CBLIF: variants seen among roughly 807,000 people sequenced by gnomAD.
The protein encoded by CBLIF is gastric intrinsic factor (vitamin B synthesis).
Under a neutral mutation model 44.9 loss-of-function variants are expected in CBLIF, and 24 were observed. The ratio of observed to expected loss-of-function variants is 0.53; its 90% confidence interval spans 0.39 to 0.75. The LOEUF is 0.75. Among genes scored for constraint, CBLIF ranks in the 30% least tolerant of loss-of-function variants. CBLIF has a pLI of 0.00. For synonymous variants in CBLIF, 183 were observed against 190.9 expected, an observed-to-expected ratio of 0.96 and a Z score of 0.34; for missense variants, 481 against 513.0, an observed-to-expected ratio of 0.94 and a Z score of 0.60.
At position 59,842,527 on chromosome 11, in the gene CBLIF, A is replaced by G; in HGVS notation, c.427T>C (p.Cys143Arg). 1 of 1,613,952 alleles carries G rather than the reference A, an allele frequency of 6.2e-7. No homozygotes were observed. The highest frequency in any genetic ancestry group is 1.1e-5 in the South Asian group (1 of 91,078). ...YGPSLAILAL[C>R]QKNSEATLPI... The stretch of plus-strand genomic sequence containing the variant: ...AAGGTCGCCTCAGAGTTCTTCTGGC[A>G]CAGTGCCAAGATCGCTAGACTGGGC... Residue 143 changes from cysteine (C) to arginine (R), a missense_variant, in exon 4 of 9, where the codon TGC becomes CGC. By Grantham distance (180) the Cys-to-Arg change is radical (BLOSUM62 -3). Coordinates refer to ENST00000257248, the MANE Select transcript of CBLIF (RefSeq NM_005142.3).
chr11:59,838,848 CTTTTTTT>C (rs1217612334), intron 5 of CBLIF, among the ~76,000 whole-genome samples: 2 of 130,538 alleles, frequency 1.5e-5, no homozygotes, highest in East Asian at 2.1e-4. Flanking sequence ...TTCTTTCTTT[CTTTTTTT>C]TTTTTTTTTT....
rs533802342 is a variant in CBLIF at position 59,837,198 on chromosome 11, C to T, written c.847G>A (p.Val283Met). The T allele has an allele frequency of 1.2e-6, 2 of 1,614,042 alleles. No individual in the cohort carries two copies. Among genetic ancestry groups the T allele is most frequent in the African/African-American group, 1.3e-5 (1 of 75,048 alleles). Residue 283 changes from valine (V) to methionine (M), a missense_variant, in exon 6 of 9, where the codon GTG (valine) becomes ATG (methionine). By Grantham distance (21) the Val-to-Met change is conservative. Coordinates refer to ENST00000257248, the MANE Select transcript of CBLIF (RefSeq NM_005142.3). ...CCAGGACTACAAGTGACCTGGGGCA[C>T]ATCTAGGTATGTCTTGCCTTTCAGG... is the stretch of plus-strand genomic sequence containing the variant. ...PSLKGKTYLD[V>M]PQVTCSPDHE...
In CBLIF at chr11:59,845,407, G is replaced by A. The variant is rs1479570100; in HGVS notation, c.47C>T (p.Ala16Val). The change falls in exon 1 of 9, where the codon GCT (alanine) becomes GTT (valine). Residue 16 changes from alanine to valine, a missense_variant. Transcript: ENST00000257248. ...ACTCTGGGTCTGGGTACTAGTCCCA[G>A]CTGTAGCCCAGAGAAGGCTCAGGAG... ...LYLLSLLWAT[A>V]GTSTQTQSSC... 5.0e-6 allele frequency: 8 copies of A among 1,612,540 alleles called. No homozygotes were observed. The highest frequency in any genetic ancestry group is 1.1e-5 in the South Asian group (1 of 91,062).
intron 5 of CBLIF, among the ~76,000 whole-genome samples, chr11:59,839,546 GC>G (rs1866496221): frequency 6.6e-6 from 1 of 152,126 alleles, no homozygotes; most frequent in Admixed American, 6.5e-5. Context: ...TAGTTCCAGA[GC>G]CCTTTGATTT....
At chr11:59,836,172 A>G (rs764097515) in intron 6 of CBLIF, among the ~76,000 whole-genome samples, 163 bp from the exon 7 acceptor site, 6 of 152,244 alleles carry the variant, frequency 3.9e-5, no homozygotes, top group Non-Finnish European at 8.8e-5. Context: ...AATTCCGGCA[A>G]AAACTCCATG....
chr11:59,844,002 T>A lies in CBLIF; in HGVS notation c.133A>T (p.Asn45Tyr). The change falls in exon 2 of 9, where the codon AAC (asparagine) becomes TAC (tyrosine). Residue 45 changes from asparagine (N) to tyrosine (Y), a missense_variant. By Grantham distance (143) the Asn-to-Tyr change is moderately radical. Transcript: ENST00000257248. ...LVNGIQVLME[N>Y]SVTSSAYPNP... ...GGGTAGGCTGATGAAGTCACCGAGT[T>A]CTCCATGAGTACTTGTATTCCATTG... 1 of 1,613,570 alleles carries A rather than the reference T, an allele frequency of 6.2e-7. No homozygotes were observed. The highest frequency in any genetic ancestry group is 1.1e-5 in the South Asian group (1 of 91,074).
intron 4 of CBLIF, among the ~76,000 whole-genome samples, chr11:59,841,961 C>A (rs982368720): frequency 7.2e-5 from 11 of 152,034 alleles, no homozygotes; most frequent in African/African-American, 2.7e-4. Context: ...GCAAGGTGGT[C>A]CCCGAGTTGC....
At chr11:59,838,848 CT>C (rs1217612334) in intron 5 of CBLIF, among the ~76,000 whole-genome samples, 12,707 of 130,340 alleles carry the variant, frequency 0.097, 654 homozygotes, top group African/African-American at 0.24. Context: ...TTCTTTCTTT[CT>C]TTTTTTTTTT....
intron 7 of CBLIF, among the ~76,000 whole-genome samples, chr11:59,832,234 A>G (rs1337029824): frequency 6.6e-6 from 1 of 152,184 alleles, no homozygotes; most frequent in Non-Finnish European, 1.5e-5. Context: ...ACAGAAAACC[A>G]AATACTGCAT....
intron 1 of CBLIF, among the ~76,000 whole-genome samples, 184 bp from the exon 2 acceptor site, chr11:59,844,239 G>T (rs1015957051): frequency 6.6e-6 from 1 of 152,102 alleles, no homozygotes; most frequent in East Asian, 1.9e-4. Flanking sequence ...CCAGGTTCAA[G>T]TGATTCTCCT....
Position 59,837,416 on chromosome 11 carries a change from T to C in CBLIF, c.694-65A>G, listed in dbSNP as rs145052587. 3.2e-5 allele frequency: 38 copies of C among 1,175,338 alleles called. No homozygotes were observed. In the East Asian group the frequency reaches 6.6e-4, roughly 21 times the overall value. 72.8% of individuals were successfully genotyped at this position (1,175,338 alleles called of 1,614,324 possible). Reference sequence around the variant, plus strand: ...GCATAGCTGAGAGTTGGCTCTTACATGTCTTAAGAGATAAACTTGATCACT... The same window carrying C: ...GCATAGCTGAGAGTTGGCTCTTACACGTCTTAAGAGATAAACTTGATCACT... On this transcript the variant is annotated intron_variant, in intron 5 of 8. Coordinates refer to ENST00000257248, the MANE Select transcript of CBLIF (RefSeq NM_005142.3).
chr11:59,845,217 TA>T, intron 1 of CBLIF, 157 bp downstream of exon 1: 1 of 1,004,450 alleles, frequency 1.0e-6, no homozygotes, highest in South Asian at 1.3e-5. Flanking sequence ...CTTATGCTAT[TA>T]AGTCAGGAAG....
In CBLIF at chr11:59,843,885, T is replaced by C. The variant is rs761992703; in HGVS notation, c.250A>G (p.Asn84Asp). The C allele has an allele frequency of 6.2e-7, 1 of 1,612,364 alleles. No individual in the cohort carries two copies. Among genetic ancestry groups the C allele is most frequent in the Non-Finnish European group, 8.5e-7 (1 of 1,178,740 alleles). Residue 84 changes from asparagine (N) to aspartate (D), a missense_variant, in exon 2 of 9, where the codon AAC becomes GAC. Coordinates refer to ENST00000257248, the MANE Select transcript of CBLIF (RefSeq NM_005142.3). ...AGCGGCTCAGATGTCTCACCGTTGT[T>C]GTCGCTGGACATGAGCTGGTAAGTC... ...LLTYQLMSSD[N>D]NDLTIGQLGL...
At position 59,837,292 on chromosome 11, in the gene CBLIF, A is replaced by G. The variant is rs1423259765; in HGVS notation, c.753T>C (p.Asp251=). Residue 251 remains aspartate, a synonymous_variant, in exon 6 of 9, where the codon GAT becomes GAC. Coordinates refer to ENST00000257248, the MANE Select transcript of CBLIF (RefSeq NM_005142.3). ...CCTGCTTAATCTCATTGAGTATCATATCCGTAGTCTTCTTGCAGTTCCATT... is the reference window on the plus strand; with the variant it reads ...CCTGCTTAATCTCATTGAGTATCATGTCCGTAGTCTTCTTGCAGTTCCATT... The part of the protein sequence containing the change: ...KKEWNCKKTT[D]MILNEIKQGK... The G allele has an allele frequency of 1.9e-6, 3 of 1,613,050 alleles. No homozygotes were observed. The highest frequency in any genetic ancestry group is 1.7e-5 in the Admixed American group (1 of 59,998).
In CBLIF at chr11:59,841,189, T is replaced by A. The variant is rs1866522532; in HGVS notation, c.647A>T (p.Asp216Val). ...IVEKISMKIK[D>V]NGIIGDIYST... ...GTAGATGTCTCCAATGATGCCATTATCTTTGATCTTCATGCTGATTTTCTC... is the reference window on the plus strand; with the variant it reads ...GTAGATGTCTCCAATGATGCCATTAACTTTGATCTTCATGCTGATTTTCTC... The change falls in exon 5 of 9, where the codon GAT (aspartate) becomes GTT (valine). Residue 216 changes from aspartate to valine, a missense_variant. Coordinates refer to ENST00000257248, the MANE Select transcript of CBLIF (RefSeq NM_005142.3). 6.2e-7 allele frequency: 1 copy of A among 1,613,828 alleles called. No individual in the cohort carries two copies. The highest frequency in any genetic ancestry group is 2.2e-5 in the East Asian group (1 of 44,878).
chr11:59,842,184 G>A (rs187571065), intron 4 of CBLIF, among the ~76,000 whole-genome samples: 5 of 152,234 alleles, frequency 3.3e-5, no homozygotes, highest in Non-Finnish European at 5.9e-5. Context: ...TGTTCCCAGC[G>A]GAGATTCTGT....
chr11:59,831,776 G>T lies in CBLIF; in HGVS notation c.1094C>A (p.Ser365Tyr). Reference sequence around the variant, plus strand: ...GATAGAAGAGACGACAAGGCCCCAAGATGTCATTGTGGTTTCAAATCTAAA... The same window carrying T: ...GATAGAAGAGACGACAAGGCCCCAATATGTCATTGTGGTTTCAAATCTAAA... Reference protein sequence around the residue: ...PMFKFETTMTSWGLVVSSINN... With the variant: ...PMFKFETTMTYWGLVVSSINN... Residue 365 changes from serine (S) to tyrosine (Y), a missense_variant, in exon 8 of 9, where the codon TCT becomes TAT. Transcript: ENST00000257248. The T allele has an allele frequency of 6.3e-7, 1 of 1,594,388 alleles. No homozygotes were observed. Among genetic ancestry groups the T allele is most frequent in the African/African-American group, 1.3e-5 (1 of 74,598 alleles).
chr11:59,832,360 A>G (rs1443823310), intron 7 of CBLIF, among the ~76,000 whole-genome samples: 1 of 152,200 alleles, frequency 6.6e-6, no homozygotes, highest in African/African-American at 2.4e-5. Flanking sequence ...GGATCAGGAG[A>G]AATAACTAAT....
rs754421228 is a variant in CBLIF at position 59,841,202 on chromosome 11, T to A, written c.634A>T (p.Met212Leu). 6.2e-7 allele frequency: 1 copy of A among 1,613,700 alleles called. No individual in the cohort carries two copies. The highest frequency in any genetic ancestry group is 1.1e-5 in the South Asian group (1 of 91,078). ...VLKDIVEKISMKIKDNGIIGD... is the reference protein window; with the variant it reads ...VLKDIVEKISLKIKDNGIIGD... ...ATGATGCCATTATCTTTGATCTTCA[T>A]GCTGATTTTCTCCACAATATCCTTT... is the stretch of plus-strand genomic sequence containing the variant. Residue 212 changes from methionine (M) to leucine (L), a missense_variant, in exon 5 of 9, where the codon ATG becomes TTG. Coordinates refer to ENST00000257248, the MANE Select transcript of CBLIF (RefSeq NM_005142.3).
Sources: allele counts gnomAD v4.1 joint callset (sites outside exome capture counted in the v4.1 genomes callset), GRCh38; gene constraint gnomAD v4.1.1; transcripts MANE v1.5; gene names NCBI Gene and HGNC (gene_info 2026-07-23, HGNC 2026-07-21).